The following SYTL2 variants were observed in gnomAD, a reference collection of about 807,000 sequenced individuals.
SYTL2 encodes synaptotagmin like 2.
A neutral mutation model predicts 198.7 loss-of-function variants in SYTL2; 165 were observed. That is an observed-to-expected ratio of 0.83 (90% CI 0.73 to 0.94). SYTL2 has a LOEUF of 0.94. Ranked by LOEUF, SYTL2 falls within the 40% of genes least tolerant of loss-of-function variation. SYTL2 has a pLI of 0.00. For synonymous variants in SYTL2, 966 were observed against 917.7 expected (o/e 1.05, Z -0.95); for missense variants, 2,835 against 2,582.8 (o/e 1.10, Z -2.12).
chr11:85,817,892 T>C, the SYTL2 span, among the ~76,000 whole-genome samples: 1 of 149,096 alleles, frequency 6.7e-6, no homozygotes, highest in African/African-American at 2.5e-5. Context: ...GAAGGACCTT[T>C]GTGTCTTTTC....
At chr11:85,748,998 G>C (rs2091346454) in intron 2 of SYTL2, among the ~76,000 whole-genome samples, 1 of 152,144 alleles carries the variant, frequency 6.6e-6, no homozygotes, top group Non-Finnish European at 1.5e-5. Context: ...TGTCTCTGAT[G>C]CTTATTGTTA....
chr11:85,828,113 T>C, the SYTL2 span, among the ~76,000 whole-genome samples: 30 of 152,286 alleles, frequency 2.0e-4, 1 homozygote, highest in South Asian at 6.2e-3. Flanking sequence ...AGGAATTATT[T>C]ATAACTTCCC....
intron 1 of SYTL2, among the ~76,000 whole-genome samples, chr11:85,803,839 AT>A (rs2153654464): frequency 6.6e-6 from 1 of 152,336 alleles, no homozygotes; most frequent in African/African-American, 2.4e-5. Context: ...GTGGATAATT[AT>A]CACCTACTTT....
At chr11:85,846,114 G>A in the SYTL2 span, among the ~76,000 whole-genome samples, 1 of 152,138 alleles carries the variant, frequency 6.6e-6, no homozygotes, top group Admixed American at 6.5e-5. Flanking sequence ...CACTTTGTGG[G>A]TTATAAGGTG....
chr11:85,752,801 A>T (rs2091594131), intron 2 of SYTL2, among the ~76,000 whole-genome samples: 1 of 151,620 alleles, frequency 6.6e-6, no homozygotes, highest in Non-Finnish European at 1.5e-5. Context: ...AGGAAAATCT[A>T]TGTGAAGATC....
At chr11:85,820,979 C>A in the SYTL2 span, among the ~76,000 whole-genome samples, 3 of 152,192 alleles carry the variant, frequency 2.0e-5, no homozygotes, top group South Asian at 6.2e-4. Flanking sequence ...GAGTGCCAGG[C>A]AGGGTGCTGC....
Position 85,725,449 on chromosome 11 carries a change from T to A in SYTL2, c.3909A>T (p.Ala1303=). 6.2e-7 allele frequency: 1 copy of A among 1,614,158 alleles called. No individual in the cohort carries two copies. The highest frequency in any genetic ancestry group is 8.5e-7 in the Non-Finnish European group (1 of 1,180,004). The part of the protein sequence containing the change: ...LSTQNLIQMA[A]EDSHPLDPTS... Reference sequence around the variant, plus strand: ...TTGGATCCAATGGATGAGAATCTTCTGCAGCCATCTGAATCAAATTCTGTG... The same window carrying A: ...TTGGATCCAATGGATGAGAATCTTCAGCAGCCATCTGAATCAAATTCTGTG... The change falls in exon 8 of 20, where the codon GCA becomes GCT. Residue 1303 remains alanine (A), a synonymous_variant. Transcript: ENST00000359152.
chr11:85,724,239 A>G lies in SYTL2; in HGVS notation c.5119T>C (p.Ser1707Pro). Reference protein sequence around the residue: ...TLQEPGFGEASEAISVSRNRQ... With the variant: ...TLQEPGFGEAPEAISVSRNRQ... ...TTTCTGGACACACTAATTGCTTCAGAAGCCTCTCCAAAGCCAGGTTCCTGA... is the reference window on the plus strand; with the variant it reads ...TTTCTGGACACACTAATTGCTTCAGGAGCCTCTCCAAAGCCAGGTTCCTGA... Residue 1707 changes from serine (S) to proline (P), a missense_variant, in exon 8 of 20, where the codon TCT becomes CCT. Physicochemically the swap from Ser to Pro is moderately conservative, Grantham distance 74. Transcript: ENST00000359152. 6.4e-7 allele frequency: 1 copy of G among 1,570,836 alleles called. No individual in the cohort carries two copies. Among genetic ancestry groups the G allele is most frequent in the Non-Finnish European group, 8.6e-7 (1 of 1,164,916 alleles).
chr11:85,739,081 T>G (rs1215345132), intron 4 of SYTL2, among the ~76,000 whole-genome samples: 3 of 152,170 alleles, frequency 2.0e-5, no homozygotes, highest in Non-Finnish European at 4.4e-5. Context: ...TGTATACATA[T>G]CTTACCTCGC....
chr11:85,836,210 C>G, the SYTL2 span, among the ~76,000 whole-genome samples: 1 of 152,178 alleles, frequency 6.6e-6, no homozygotes, highest in African/African-American at 2.4e-5. Flanking sequence ...ATAGTAACCT[C>G]TTCTGCTCAA....
intron 1 of SYTL2, among the ~76,000 whole-genome samples, chr11:85,782,559 G>C (rs1175325032): frequency 1.3e-5 from 2 of 152,180 alleles, no homozygotes; most frequent in African/African-American, 4.8e-5. Context: ...ACACAGTCAG[G>C]CTGCAAATTC....
rs1396015864 is a variant in SYTL2 at position 85,734,519 on chromosome 11, C to G, written c.810G>C (p.Pro270=). ...RTDSLKARGA[P]RGILKRNSSS... ...TGGAGTTGCGCTTGAGGATCCCTCTCGGAGCCCCTCTCGCTTTCAGGGAGT... is the reference window on the plus strand; with the variant it reads ...TGGAGTTGCGCTTGAGGATCCCTCTGGGAGCCCCTCTCGCTTTCAGGGAGT... The change falls in exon 7 of 20, where the codon CCG becomes CCC. Residue 270 remains proline, a synonymous_variant. Transcript: ENST00000359152. The G allele has an allele frequency of 1.2e-6, 2 of 1,614,194 alleles. No homozygotes were observed. Among genetic ancestry groups the G allele is most frequent in the Non-Finnish European group, 8.5e-7 (1 of 1,180,024 alleles).
intron 1 of SYTL2, among the ~76,000 whole-genome samples, chr11:85,772,942 A>T (rs901923883): frequency 6.6e-6 from 1 of 152,212 alleles, no homozygotes; most frequent in Non-Finnish European, 1.5e-5. Flanking sequence ...TGGGGTCATT[A>T]GCCCAAACCA....
intron 2 of SYTL2, among the ~76,000 whole-genome samples, chr11:85,757,027 G>A (rs1050934724): frequency 3.3e-5 from 5 of 152,204 alleles, no homozygotes; most frequent in Admixed American, 6.5e-5. Flanking sequence ...CAACAAAGGT[G>A]AATGAAAGTG....
chr11:85,719,035 C>T, intron 9 of SYTL2, 192 bp from the exon 10 acceptor site: 1 of 1,520,680 alleles, frequency 6.6e-7, no homozygotes. Context: ...AGCGGGAGCT[C>T]CCATTTCAGC....
At chr11:85,777,620 G>A (rs528001420) in intron 1 of SYTL2, among the ~76,000 whole-genome samples, 33 of 151,520 alleles carry the variant, frequency 2.2e-4, no homozygotes, top group African/African-American at 8.0e-4. Context: ...CTAAAAGAAT[G>A]GGATTTAATC....
At chr11:85,788,765 T>C (rs1198355246) in intron 1 of SYTL2, among the ~76,000 whole-genome samples, 1 of 149,760 alleles carries the variant, frequency 6.7e-6, no homozygotes, top group African/African-American at 2.5e-5. Context: ...GTAAAATTAT[T>C]CTATAATTAT....
chr11:85,814,244 C>G (rs543641152), upstream of SYTL2, among the ~76,000 whole-genome samples: 8 of 152,292 alleles, frequency 5.3e-5, no homozygotes, highest in African/African-American at 1.7e-4. Flanking sequence ...TTTCTGTCAC[C>G]CCTTCCAGAT....
the SYTL2 span, among the ~76,000 whole-genome samples, chr11:85,832,500 C>T: frequency 6.6e-6 from 1 of 152,124 alleles, no homozygotes; most frequent in Admixed American, 6.5e-5. Flanking sequence ...AGTAACTTTA[C>T]AGCCAGTGAT....
Sources: gnomAD v4.1 joint callset for allele counts (sites outside exome capture counted in the v4.1 genomes callset) on GRCh38, gnomAD v4.1.1 for gene constraint, MANE v1.5 for transcripts, NCBI Gene and HGNC (gene_info 2026-07-23, HGNC 2026-07-21) for gene names.